KIRREL3: variants seen among roughly 807,000 people sequenced by gnomAD.
KIRREL3 encodes kin of IRRE-like protein 3.
A neutral mutation model predicts 89.7 loss-of-function variants in KIRREL3; 36 were observed. That is an observed-to-expected ratio of 0.40 (90% CI 0.31 to 0.53). The LOEUF is 0.53. Ranked by LOEUF, KIRREL3 falls within the 20% of genes least tolerant of loss-of-function variation. KIRREL3 has a pLI of 0.49. For synonymous variants in KIRREL3, 445 were observed against 441.4 expected (o/e 1.01, Z -0.10); for missense variants, 864 against 1,056.6 (o/e 0.82, Z 2.53).
At chr11:126,793,070 T>C (rs1592136365) in intron 1 of KIRREL3, among the ~76,000 whole-genome samples, 1 of 152,302 alleles carries the variant, frequency 6.6e-6, no homozygotes, top group East Asian at 1.9e-4. Flanking sequence ...AAGTGTTCAC[T>C]ATCTCACATG....
At position 126,527,075 on chromosome 11, in the gene KIRREL3, G is replaced by C. The variant is rs571458891; in HGVS notation, c.134-388C>G. ...GGCAGAAACAGGAGAGAGAGAGAGAGACCTCTAGCTAGAAACATTCTGTGG... is the reference window on the plus strand; with the variant it reads ...GGCAGAAACAGGAGAGAGAGAGAGACACCTCTAGCTAGAAACATTCTGTGG... On this transcript the variant is annotated intron_variant, in intron 2 of 16. Transcript: ENST00000525144. This position sits in a 1 kb window ranked among gnomAD's most constrained non-coding sequence, Gnocchi z 4.2. Among the ~76,000 whole-genome samples, 78 of 152,378 alleles carry C rather than the reference G, an allele frequency of 5.1e-4. No individual in the cohort carries two copies. Among genetic ancestry groups the C allele is most frequent in the African/African-American group, 1.3e-3 (55 of 41,590 alleles).
In KIRREL3 at chr11:126,656,626, A is replaced by T. The variant is rs1945151010; in HGVS notation, c.56-93714T>A. Among the ~76,000 whole-genome samples, 1 of 152,222 alleles carries T rather than the reference A, an allele frequency of 6.6e-6. No homozygotes were observed. Among genetic ancestry groups the T allele is most frequent in the South Asian group, 2.1e-4 (1 of 4,830 alleles). The stretch of plus-strand genomic sequence containing the variant: ...GGGCAGTTTAAATCTTCATGCTTTT[A>T]CCACCTTATACTGAGTAAGAAGATG... On this transcript the variant is annotated intron_variant, in intron 1 of 16. Coordinates refer to ENST00000525144, the MANE Select transcript of KIRREL3 (RefSeq NM_032531.4). This position sits in a 1 kb window ranked among gnomAD's most constrained non-coding sequence, Gnocchi z 4.0.
chr11:126,845,646 G>T (rs1243055984), intron 1 of KIRREL3, among the ~76,000 whole-genome samples: 1 of 152,032 alleles, frequency 6.6e-6, no homozygotes, highest in Non-Finnish European at 1.5e-5. Context: ...TGGCAGCCTG[G>T]GTTCATGGCT....
chr11:126,950,559 C>A (rs572413736), intron 1 of KIRREL3, among the ~76,000 whole-genome samples: 1 of 152,234 alleles, frequency 6.6e-6, no homozygotes, highest in South Asian at 2.1e-4. Context: ...TCCCATTGTT[C>A]ATTCTTATTT....
Position 126,850,213 on chromosome 11 carries a change from C to T in KIRREL3, c.55+150242G>A, listed in dbSNP as rs1402915596. Among the ~76,000 whole-genome samples, 3 of 152,230 alleles carry T rather than the reference C, an allele frequency of 2.0e-5. 1 individual carries two copies. Among genetic ancestry groups the T allele is most frequent in the Non-Finnish European group, 4.4e-5 (3 of 68,040 alleles). On this transcript the variant is annotated intron_variant, in intron 1 of 16. Transcript: ENST00000525144. Reference sequence around the variant, plus strand: ...GGAATTTCCAAAGATATTTCACCCACATGATCTCTTTTGAGCACCATGACC... The same window carrying T: ...GGAATTTCCAAAGATATTTCACCCATATGATCTCTTTTGAGCACCATGACC...
intron 1 of KIRREL3, among the ~76,000 whole-genome samples, chr11:126,889,721 G>A (rs1413377902): frequency 6.6e-6 from 1 of 152,182 alleles, no homozygotes; most frequent in Admixed American, 6.5e-5. Flanking sequence ...TGTAGACAAG[G>A]AGAACTCACA....
In KIRREL3 at chr11:126,484,339, CAATAATATG is replaced by C. The variant is rs1341006945; in HGVS notation, c.434-10882_434-10874del. ...GGATGCAGTCATAAAAAAACAGCAC[CAATAATATG>C]AATAATAGCTAACATTGATATAGGG... is the stretch of plus-strand genomic sequence containing the variant. On this transcript the variant is annotated intron_variant, in intron 4 of 16. Coordinates refer to ENST00000525144, the MANE Select transcript of KIRREL3 (RefSeq NM_032531.4). This position sits in a 1 kb window ranked among gnomAD's most constrained non-coding sequence, Gnocchi z 5.2. Among the ~76,000 whole-genome samples the C allele has an allele frequency of 6.6e-6, 1 of 152,120 alleles. No homozygotes were observed. Among genetic ancestry groups the C allele is most frequent in the Non-Finnish European group, 1.5e-5 (1 of 68,030 alleles).
chr11:126,563,016 A>T lies in KIRREL3; in HGVS notation c.56-104T>A. 1 of 715,932 alleles carries T rather than the reference A, an allele frequency of 1.4e-6. No individual in the cohort carries two copies. The highest frequency in any genetic ancestry group is 2.3e-6 in the Non-Finnish European group (1 of 431,294). 44.3% of individuals were successfully genotyped at this position (715,932 alleles called of 1,614,324 possible). ...TGGAGCTTGTTGCTCTTATAAACAG[A>T]GGTGCTTTTGTTTAGCCAACATTTA... On this transcript the variant is annotated intron_variant, in intron 1 of 16. Coordinates refer to ENST00000525144, the MANE Select transcript of KIRREL3 (RefSeq NM_032531.4). This position sits in a 1 kb window ranked among gnomAD's most constrained non-coding sequence, Gnocchi z 6.8.
rs1197977836 is a variant in KIRREL3, at chr11:126,686,680, A to G, written c.56-123768T>C. Among the ~76,000 whole-genome samples, 2 of 152,170 alleles carry G rather than the reference A, an allele frequency of 1.3e-5. No homozygotes were observed. Among genetic ancestry groups the G allele is most frequent in the African/African-American group, 4.8e-5 (2 of 41,430 alleles). On this transcript the variant is annotated intron_variant, in intron 1 of 16. Transcript: ENST00000525144. This position sits in a 1 kb window ranked among gnomAD's most constrained non-coding sequence, Gnocchi z 4.7. ...CTGCAACCTCGGCCTCTCCAGTTCA[A>G]GCAGTTCTCCTGCCTCAGCCTCCCA... is the stretch of plus-strand genomic sequence containing the variant.
rs368084716 is a variant in KIRREL3, at chr11:126,487,226, G to A, written c.434-13760C>T. Among the ~76,000 whole-genome samples the A allele has an allele frequency of 1.4e-4, 21 of 152,304 alleles. No individual in the cohort carries two copies. The East Asian group carries it at 2.5e-3, about 18-fold the overall frequency. On this transcript the variant is annotated intron_variant, in intron 4 of 16. Coordinates refer to ENST00000525144, the MANE Select transcript of KIRREL3 (RefSeq NM_032531.4). Reference sequence around the variant, plus strand: ...ATCTTGGTTGGTTACAGGCCAGCAGGGCAGGCAGGAGGAGGGAATAGAGAG... The same window carrying A: ...ATCTTGGTTGGTTACAGGCCAGCAGAGCAGGCAGGAGGAGGGAATAGAGAG...
rs1478700270 is a variant in KIRREL3 at position 126,812,232 on chromosome 11, G to A, written c.55+188223C>T. 6.6e-6 allele frequency among the ~76,000 whole-genome samples: 1 copy of A among 152,096 alleles called. No homozygotes were observed. The highest frequency in any genetic ancestry group is 1.5e-5 in the Non-Finnish European group (1 of 68,016). On this transcript the variant is annotated intron_variant, in intron 1 of 16. Coordinates refer to ENST00000525144, the MANE Select transcript of KIRREL3 (RefSeq NM_032531.4). The surrounding 1 kb of genome is among the most constrained non-coding windows in gnomAD (Gnocchi z 5.2). ...TAATTTCCTTACTTTGGAACTTTGGGGTCCTTAGGATAGCGCTGTGTATAT... is the reference window on the plus strand; with the variant it reads ...TAATTTCCTTACTTTGGAACTTTGGAGTCCTTAGGATAGCGCTGTGTATAT...
intron 1 of KIRREL3, among the ~76,000 whole-genome samples, chr11:126,942,214 C>T (rs892396366): frequency 4.6e-5 from 7 of 152,082 alleles, no homozygotes; most frequent in African/African-American, 1.7e-4. Flanking sequence ...TTAGTTTACT[C>T]ATTAATAAAA....
rs149662849 is a variant in KIRREL3 at position 126,681,470 on chromosome 11, C to T, written c.56-118558G>A. Among the ~76,000 whole-genome samples the T allele has an allele frequency of 8.3e-4, 127 of 152,226 alleles. 1 individual carries two copies. Among genetic ancestry groups the T allele is most frequent in the Non-Finnish European group, 1.3e-3 (86 of 68,000 alleles). On this transcript the variant is annotated intron_variant, in intron 1 of 16. Coordinates refer to ENST00000525144, the MANE Select transcript of KIRREL3 (RefSeq NM_032531.4). ...TAAATAGGACTTATTTCCAAGGTTG[C>T]TCATGAGGGAGGCAGTTTATGGAGG... is the stretch of plus-strand genomic sequence containing the variant.
chr11:126,444,967 C>T lies in KIRREL3; in HGVS notation c.1252+12G>A, dbSNP rs367876491. On this transcript the variant is annotated intron_variant, in intron 10 of 16. Transcript: ENST00000525144. ...CTCCCTCAGGCCTGGCTCACCCCAGCGAGGGTCTTACCATTGACGGTCAGG... is the reference window on the plus strand; with the variant it reads ...CTCCCTCAGGCCTGGCTCACCCCAGTGAGGGTCTTACCATTGACGGTCAGG... The T allele has an allele frequency of 8.1e-5, 130 of 1,613,556 alleles. No individual in the cohort carries two copies. The South Asian group carries it at 8.7e-4, about 11-fold the overall frequency.
At chr11:126,437,852 C>T (rs1201222180) in intron 11 of KIRREL3, among the ~76,000 whole-genome samples, 3 of 152,266 alleles carry the variant, frequency 2.0e-5, no homozygotes, top group African/African-American at 4.8e-5. Context: ...CCATACACAC[C>T]ATCATGTGTA....
At chr11:126,456,552 G>C in intron 6 of KIRREL3, 98 bp from the exon 7 acceptor site, 1 of 804,020 alleles carries the variant, frequency 1.2e-6, no homozygotes, top group East Asian at 2.7e-5. Flanking sequence ...CCACCACCCA[G>C]GGACCCTCAG....
intron 1 of KIRREL3, among the ~76,000 whole-genome samples, chr11:126,746,345 T>C (rs771737490): frequency 3.9e-5 from 6 of 152,162 alleles, no homozygotes; most frequent in Non-Finnish European, 8.8e-5. Flanking sequence ...CAAGGTGTCA[T>C]GGAAGTGCAG....
chr11:126,450,606 C>T (rs1189780592), intron 7 of KIRREL3, among the ~76,000 whole-genome samples: 1 of 122,462 alleles, frequency 8.2e-6, no homozygotes, highest in Non-Finnish European at 1.7e-5. Flanking sequence ...TGTGTGTGTC[C>T]ATCGGCGTGT....
chr11:126,600,654 GA>G (rs1942611291), intron 1 of KIRREL3, among the ~76,000 whole-genome samples: 2 of 152,084 alleles, frequency 1.3e-5, no homozygotes, highest in South Asian at 4.1e-4. Flanking sequence ...TACATGATCA[GA>G]AAAAATGGAA....
Sources: gnomAD v4.1 joint callset for allele counts (sites outside exome capture counted in the v4.1 genomes callset) on GRCh38, gnomAD v4.1.1 for gene constraint, Gnocchi (gnomAD v3.1) non-coding constraint, MANE v1.5 for transcripts, NCBI Gene and HGNC (gene_info 2026-07-23, HGNC 2026-07-21) for gene names.